Variants in AFAP1 observed in about 807,000 individuals in gnomAD.
AFAP1 encodes actin filament associated protein 1.
A neutral mutation model predicts 93.9 loss-of-function variants in AFAP1; 75 were observed. That is an observed-to-expected ratio of 0.80 (90% CI 0.66 to 0.97). The LOEUF (loss-of-function observed/expected upper bound fraction) is 0.97, where lower values mean the gene tolerates loss of function less well. Ranked by LOEUF, AFAP1 falls within the 50% of genes least tolerant of loss-of-function variation. AFAP1 has a pLI of 0.00. For synonymous variants in AFAP1, 517 were observed against 430.7 expected, an observed-to-expected ratio of 1.20 and a Z score of -2.48; for missense variants, 1,201 against 1,050.8, an observed-to-expected ratio of 1.14 and a Z score of -1.98.
At chr4:7,787,032 T>G (rs1445361632) in intron 11 of AFAP1, among the ~76,000 whole-genome samples, 1 of 152,242 alleles carries the variant, frequency 6.6e-6, no homozygotes, top group Non-Finnish European at 1.5e-5. Context: ...GGTGTGCTAC[T>G]GTGGCGTAAT....
intron 10 of AFAP1, among the ~76,000 whole-genome samples, chr4:7,795,485 G>C (rs1046202597): frequency 2.1e-4 from 26 of 123,144 alleles, no homozygotes; most frequent in Non-Finnish European, 7.9e-5. Flanking sequence ...GAGTGCAGTG[G>C]TGTGATCTCG....
At chr4:7,876,183 A>C (rs1440621364) in intron 1 of AFAP1, among the ~76,000 whole-genome samples, 1 of 152,206 alleles carries the variant, frequency 6.6e-6, no homozygotes, top group East Asian at 1.9e-4. Flanking sequence ...CTAAAACCTG[A>C]GCTCCCTCTA....
chr4:7,881,146 T>C (rs1159717342), intron 1 of AFAP1, among the ~76,000 whole-genome samples: 3 of 152,250 alleles, frequency 2.0e-5, no homozygotes, highest in South Asian at 4.1e-4. Flanking sequence ...CATTATCTAA[T>C]CTAAATTGGG....
At chr4:7,781,884 T>A (rs578219706) in intron 12 of AFAP1, among the ~76,000 whole-genome samples, 40 of 150,550 alleles carry the variant, frequency 2.7e-4, no homozygotes, top group Middle Eastern at 6.8e-3. Flanking sequence ...ATGGAAAAAA[T>A]TTTTTTTTCC....
intron 4 of AFAP1, among the ~76,000 whole-genome samples, chr4:7,855,245 G>A (rs1714912899): frequency 6.6e-6 from 1 of 152,240 alleles, no homozygotes; most frequent in South Asian, 2.1e-4. Flanking sequence ...CTACCTCTGA[G>A]TCACAAGGAA....
intron 6 of AFAP1, among the ~76,000 whole-genome samples, chr4:7,830,486 G>GA (rs1394699904): frequency 1.3e-5 from 2 of 152,156 alleles, no homozygotes; most frequent in Non-Finnish European, 2.9e-5. Flanking sequence ...TTCTGAGTGA[G>GA]AAAAAACAGC....
At chr4:7,919,007 C>T (rs1187733816) in intron 1 of AFAP1, among the ~76,000 whole-genome samples, 109 of 37,458 alleles carry the variant, frequency 2.9e-3, no homozygotes, top group South Asian at 8.3e-3. Flanking sequence ...AACAGGGCTG[C>T]GGATGAGACA....
chr4:7,773,624 C>T (rs1715738502), intron 15 of AFAP1: 1 of 152,680 alleles, frequency 6.5e-6, no homozygotes, highest in Non-Finnish European at 1.5e-5. Flanking sequence ...AAGCCAAAAG[C>T]ACTCCTGGCC....
intron 6 of AFAP1, among the ~76,000 whole-genome samples, chr4:7,821,464 C>G (rs1314488919): frequency 6.6e-6 from 1 of 152,172 alleles, no homozygotes; most frequent in South Asian, 2.1e-4. Context: ...CCAGCCGCCC[C>G]CTACATGCAG....
intron 15 of AFAP1, chr4:7,773,226 AC>A: frequency 1.5e-6 from 1 of 686,830 alleles, no homozygotes; most frequent in Non-Finnish European, 2.3e-6. Context: ...GAGGACTCGG[AC>A]CAGGAAAGAG....
At chr4:7,869,022 G>A (rs1208215874) in intron 2 of AFAP1, among the ~76,000 whole-genome samples, 1 of 129,916 alleles carries the variant, frequency 7.7e-6, no homozygotes, top group African/African-American at 3.0e-5. Flanking sequence ...AAAGGGAAAG[G>A]GAAAGAAAAA....
At chr4:7,843,371 C>G (rs781781836) in intron 4 of AFAP1, 21 bp from the exon 5 acceptor site, 2 of 1,594,008 alleles carry the variant, frequency 1.3e-6, no homozygotes, top group African/African-American at 2.7e-5. Context: ...TAAACATACA[C>G]TGGTAAAAAG....
Position 7,838,722 on chromosome 4 carries a change from A to C in AFAP1, c.547-19T>G, listed in dbSNP as rs781355028. On this transcript the variant is annotated intron_variant, in intron 5 of 17. Coordinates refer to ENST00000420658, the MANE Select transcript of AFAP1 (RefSeq NM_001134647.2). ...TATAGCACTGCATTCAACACAACAA[A>C]TCAACTGATATTATAAGGGAGTTCG... The C allele has an allele frequency of 1.4e-5, 23 of 1,611,882 alleles. No homozygotes were observed. In the South Asian group the frequency reaches 2.2e-4, roughly 15 times the overall value.
intron 9 of AFAP1, among the ~76,000 whole-genome samples, chr4:7,807,868 C>A (rs1457131607): frequency 6.6e-6 from 1 of 152,240 alleles, no homozygotes; most frequent in East Asian, 1.9e-4. Context: ...CCCCTGCAAT[C>A]CATCCCTCCT....
intron 17 of AFAP1, among the ~76,000 whole-genome samples, chr4:7,764,388 A>C (rs1471569309): frequency 1.4e-5 from 2 of 141,332 alleles, no homozygotes; most frequent in Non-Finnish European, 3.1e-5. Context: ...TATTTCAAAA[A>C]ATATAAAAAA....
chr4:7,858,469 G>A (rs1715319767), intron 3 of AFAP1, among the ~76,000 whole-genome samples: 1 of 152,258 alleles, frequency 6.6e-6, no homozygotes, highest in Admixed American at 6.5e-5. Flanking sequence ...GCTTGTTAAA[G>A]TCAAACAGGA....
At chr4:7,834,092 T>TACACACACACACACACACAC (rs142790415) in intron 6 of AFAP1, among the ~76,000 whole-genome samples, 107 of 126,660 alleles carry the variant, frequency 8.4e-4, no homozygotes, top group Middle Eastern at 3.9e-3. Context: ...AACTGTGGCA[T>TACACACACACACACACACAC]ACACACACAC....
intron 6 of AFAP1, among the ~76,000 whole-genome samples, chr4:7,834,335 C>T (rs976192527): frequency 5.9e-5 from 9 of 152,034 alleles, no homozygotes; most frequent in African/African-American, 2.2e-4. Flanking sequence ...GGGAATGACA[C>T]AATAGACTTT....
intron 1 of AFAP1, among the ~76,000 whole-genome samples, chr4:7,927,970 G>T (rs569777506): frequency 2.6e-5 from 4 of 152,164 alleles, no homozygotes; most frequent in African/African-American, 9.6e-5. Flanking sequence ...CCTCCCTCCG[G>T]CCTAAATGCT....
Sources: gnomAD v4.1 joint callset for allele counts (sites outside exome capture counted in the v4.1 genomes callset) on GRCh38, gnomAD v4.1.1 for gene constraint, MANE v1.5 for transcripts, NCBI Gene and HGNC (gene_info 2026-07-23, HGNC 2026-07-21) for gene names.